Variants in TLCD4 observed in about 807,000 individuals in gnomAD.
TLCD4 encodes the protein TLC domain-containing protein 4.
Under a neutral mutation model 24.2 loss-of-function variants are expected in TLCD4, and 7 were observed. That is an observed-to-expected ratio of 0.29 (90% CI 0.16 to 0.54). TLCD4 has a LOEUF of 0.54. Ranked by LOEUF, TLCD4 falls within the 20% of genes least tolerant of loss-of-function variation. The pLI is 0.95. For missense variants in TLCD4, 259 were observed against 313.9 expected, an observed-to-expected ratio of 0.82 and a Z score of 1.32; for synonymous variants, 103 against 106.4, an observed-to-expected ratio of 0.97 and a Z score of 0.20.
the TLCD4 span, among the ~76,000 whole-genome samples, chr1:95,105,895 A>C: frequency 2.1e-5 from 3 of 139,546 alleles, no homozygotes; most frequent in East Asian, 2.1e-4. Flanking sequence ...ACTCCGTCTT[A>C]AAAAAAAAAA....
chr1:95,132,117 C>T (rs1340293272), intron 1 of TLCD4, among the ~76,000 whole-genome samples: 1 of 152,214 alleles, frequency 6.6e-6, no homozygotes, highest in African/African-American at 2.4e-5. Flanking sequence ...AACTTCTCAA[C>T]TTGCAGAATT....
At chr1:95,166,710 T>C (rs905802955) in intron 5 of TLCD4, among the ~76,000 whole-genome samples, 10 of 152,226 alleles carry the variant, frequency 6.6e-5, no homozygotes, top group African/African-American at 1.4e-4. Flanking sequence ...GCCTTGTCTT[T>C]ATAATAAGAA....
intron 5 of TLCD4, among the ~76,000 whole-genome samples, chr1:95,157,475 C>G (rs780636117): frequency 6.6e-6 from 1 of 152,166 alleles, no homozygotes; most frequent in Non-Finnish European, 1.5e-5. Flanking sequence ...CTTCTGTTGG[C>G]TTAAAATGTG....
the TLCD4 span, among the ~76,000 whole-genome samples, chr1:95,098,302 T>G: frequency 6.6e-6 from 1 of 152,180 alleles, no homozygotes; most frequent in Non-Finnish European, 1.5e-5. Flanking sequence ...TTCTAAACCT[T>G]TGTTCTCCTT....
chr1:95,123,657 C>A (rs546359666), intron 1 of TLCD4, among the ~76,000 whole-genome samples: 1 of 152,124 alleles, frequency 6.6e-6, no homozygotes, highest in East Asian at 1.9e-4. Context: ...GCCCTCCAGA[C>A]GTTTTCTCTA....
At chr1:95,126,843 C>G (rs891212889) in intron 1 of TLCD4, among the ~76,000 whole-genome samples, 1 of 152,190 alleles carries the variant, frequency 6.6e-6, no homozygotes, top group East Asian at 1.9e-4. Flanking sequence ...ATCAAAGCCT[C>G]TCTTCTGTTG....
chr1:95,119,716 C>A (rs1187953730), intron 1 of TLCD4, among the ~76,000 whole-genome samples: 1 of 150,720 alleles, frequency 6.6e-6, no homozygotes, highest in Non-Finnish European at 1.5e-5. Context: ...GGAGGCCCAG[C>A]GTTCATGTTC....
rs901693859 is a variant in TLCD4 at position 95,194,256 on chromosome 1, A to G, written c.*2388A>G. The G allele has an allele frequency of 3.9e-5, 6 of 152,148 alleles. No homozygotes were observed. Among genetic ancestry groups the G allele is most frequent in the African/African-American group, 1.4e-4 (6 of 41,456 alleles). The allele number at this position is 152,148 out of a possible 1,614,324, so 9.4% of individuals were successfully genotyped here. A position where few individuals can be genotyped will look rare whatever the true frequency, so the allele number is the denominator to read the frequency against. ...GGCTGCATGAGTTAATTCAACATCC[A>G]GATTAAATATCCTGAAGTAGGTTCT... On this transcript the variant is annotated 3_prime_UTR_variant, in exon 7 of 7. Transcript: ENST00000370203.
chr1:95,126,618 C>T (rs534086591), intron 1 of TLCD4, among the ~76,000 whole-genome samples: 1 of 152,262 alleles, frequency 6.6e-6, no homozygotes, highest in South Asian at 2.1e-4. Context: ...TGGGTGCCTT[C>T]AGCTAAAGGG....
In TLCD4 at chr1:95,132,630, T is replaced by C. The variant is rs111226374; in HGVS notation, c.-11-11261T>C. Among the ~76,000 whole-genome samples, 1,263 of 152,116 alleles carry C rather than the reference T, an allele frequency of 8.3e-3. 19 individuals are homozygous for C. Among genetic ancestry groups the C allele is most frequent in the African/African-American group, 0.029 (1,213 of 41,500 alleles). ...GCCTTTGAGACACTGTGTAGTAATA[T>C]CAAGTAGCAGTAGGCTATATACATT... On this transcript the variant is annotated intron_variant, in intron 1 of 6. Coordinates refer to ENST00000370203, the MANE Select transcript of TLCD4 (RefSeq NM_152487.3).
chr1:95,115,231 C>T (rs1213924823), upstream of TLCD4, among the ~76,000 whole-genome samples: 6 of 151,766 alleles, frequency 4.0e-5, no homozygotes, highest in African/African-American at 1.5e-4. Flanking sequence ...CTCAGCCTCT[C>T]GAGTAGCTGA....
At chr1:95,190,721 A>G (rs1678998401) in intron 6 of TLCD4, among the ~76,000 whole-genome samples, 1 of 152,170 alleles carries the variant, frequency 6.6e-6, no homozygotes, top group Non-Finnish European at 1.5e-5. Flanking sequence ...TGCAATTTGC[A>G]CTTCCTAATG....
At chr1:95,110,328 A>G in the TLCD4 span, among the ~76,000 whole-genome samples, 4 of 152,024 alleles carry the variant, frequency 2.6e-5, no homozygotes, top group Non-Finnish European at 5.9e-5. Context: ...GGAATCCTCC[A>G]AATTTCCCTA....
At chr1:95,169,671 GA>G (rs1678141862) in intron 5 of TLCD4, among the ~76,000 whole-genome samples, 2 of 151,948 alleles carry the variant, frequency 1.3e-5, no homozygotes, top group Non-Finnish European at 2.9e-5. Flanking sequence ...ATTAACTAGA[GA>G]GAAATTTTTA....
chr1:95,098,542 A>G, the TLCD4 span, among the ~76,000 whole-genome samples: 1 of 152,126 alleles, frequency 6.6e-6, no homozygotes, highest in Non-Finnish European at 1.5e-5. Flanking sequence ...ATTCTGTGGT[A>G]TTCTTCCTCC....
chr1:95,181,870 C>T (rs1458027009), intron 6 of TLCD4, among the ~76,000 whole-genome samples: 2 of 152,122 alleles, frequency 1.3e-5, no homozygotes, highest in African/African-American at 2.4e-5. Context: ...CCACCCGCCT[C>T]GGCCTCCCCA....
intron 1 of TLCD4, among the ~76,000 whole-genome samples, chr1:95,127,307 G>A (rs1209912074): frequency 6.6e-6 from 1 of 152,160 alleles, no homozygotes; most frequent in Non-Finnish European, 1.5e-5. Flanking sequence ...AAGAAAAAAA[G>A]AAGGCAGCAG....
intron 1 of TLCD4, among the ~76,000 whole-genome samples, chr1:95,133,569 A>T (rs1676960376): frequency 6.6e-6 from 1 of 152,142 alleles, no homozygotes; most frequent in Admixed American, 6.5e-5. Context: ...GTAGTGTGGG[A>T]TATTGAACGT....
At chr1:95,109,923 A>G in the TLCD4 span, among the ~76,000 whole-genome samples, 7 of 78,060 alleles carry the variant, frequency 9.0e-5, no homozygotes, top group African/African-American at 1.4e-4. Flanking sequence ...ATATATATAT[A>G]TATATATATA....
Sources: gnomAD v4.1 joint callset for allele counts (sites outside exome capture counted in the v4.1 genomes callset) on GRCh38, gnomAD v4.1.1 for gene constraint, MANE v1.5 for transcripts, NCBI Gene and HGNC (gene_info 2026-07-23, HGNC 2026-07-21) for gene names.